LSAMP: variants seen among roughly 807,000 people sequenced by gnomAD.
The protein encoded by LSAMP is limbic system associated membrane protein, also known as limbic system-associated membrane protein.
In LSAMP, 7 loss-of-function variants were observed where a neutral mutation model predicts 38.6. The ratio of observed to expected loss-of-function variants is 0.18; its 90% confidence interval spans 0.10 to 0.34. The LOEUF is 0.34. Ranked by LOEUF, LSAMP falls within the 10% of genes least tolerant of loss-of-function variation. LSAMP has a pLI of 1.00. For missense variants in LSAMP, 313 were observed against 420.0 expected (o/e 0.75, Z 2.23); for synonymous variants, 154 against 166.8 (o/e 0.92, Z 0.59).
At position 116,384,427 on chromosome 3, in the gene LSAMP, A is replaced by G. The variant is rs142770669; in HGVS notation, c.155+60450T>C. Among the ~76,000 whole-genome samples, 460 of 152,242 alleles carry G rather than the reference A, an allele frequency of 3.0e-3. 2 individuals are homozygous for G. Among genetic ancestry groups the G allele is most frequent in the African/African-American group, 0.011 (443 of 41,540 alleles). ...GATGCATGGCCTACATCTCAGCCCAATTGAATCAGAATTTTTGGAAGTGGG... is the reference window on the plus strand; with the variant it reads ...GATGCATGGCCTACATCTCAGCCCAGTTGAATCAGAATTTTTGGAAGTGGG... On this transcript the variant is annotated intron_variant, in intron 1 of 6. Transcript: ENST00000490035.
chr3:116,234,944 G>A (rs2046446948), intron 1 of LSAMP, among the ~76,000 whole-genome samples: 1 of 151,926 alleles, frequency 6.6e-6, no homozygotes, highest in Non-Finnish European at 1.5e-5. Flanking sequence ...GATACTAAAG[G>A]CACTGAGAAG....
chr3:116,363,768 T>A (rs753926558), intron 1 of LSAMP, among the ~76,000 whole-genome samples: 92 of 149,680 alleles, frequency 6.1e-4, no homozygotes, highest in South Asian at 3.6e-3. Context: ...AACCACATGA[T>A]TATCTCAATA....
At chr3:116,148,944 G>C (rs1709549092) in intron 1 of LSAMP, among the ~76,000 whole-genome samples, 1 of 152,026 alleles carries the variant, frequency 6.6e-6, no homozygotes, top group Non-Finnish European at 1.5e-5. Context: ...GCTATGAAAA[G>C]ACTAGTTATA....
intron 1 of LSAMP, among the ~76,000 whole-genome samples, chr3:116,236,006 C>A (rs145617772): frequency 1.6e-3 from 237 of 152,086 alleles, no homozygotes; most frequent in African/African-American, 5.6e-3. Context: ...TTATTTGGTG[C>A]CTTTTATTAT....
intron 3 of LSAMP, among the ~76,000 whole-genome samples, chr3:116,016,322 G>A (rs1176466755): frequency 6.6e-6 from 1 of 152,190 alleles, no homozygotes; most frequent in Non-Finnish European, 1.5e-5. Flanking sequence ...AGAAATGAAA[G>A]AGGAGGCATG....
At chr3:116,066,560 G>A (rs894785732) in intron 2 of LSAMP, among the ~76,000 whole-genome samples, 2 of 152,064 alleles carry the variant, frequency 1.3e-5, no homozygotes, top group Non-Finnish European at 2.9e-5. Flanking sequence ...TTCTAACCTG[G>A]TTACCTTTTT....
chr3:116,134,134 T>C (rs949181359), intron 1 of LSAMP, among the ~76,000 whole-genome samples: 29 of 152,152 alleles, frequency 1.9e-4, no homozygotes, highest in Admixed American at 1.4e-3. Context: ...GGAGTTATTA[T>C]TGGTTTAAAA....
intron 2 of LSAMP, among the ~76,000 whole-genome samples, chr3:116,064,732 C>G (rs551628665): frequency 6.6e-6 from 1 of 152,246 alleles, no homozygotes; most frequent in Admixed American, 6.5e-5. Context: ...CATACACACA[C>G]AGAGACATAC....
chr3:116,321,776 AACTC>A (rs1284675320), intron 1 of LSAMP, among the ~76,000 whole-genome samples: 2 of 152,186 alleles, frequency 1.3e-5, no homozygotes, highest in Non-Finnish European at 2.9e-5. Flanking sequence ...TTCTCCTTCA[AACTC>A]AATCAATTTA....
At chr3:116,385,700 G>A (rs1403043144) in intron 1 of LSAMP, among the ~76,000 whole-genome samples, 1 of 152,044 alleles carries the variant, frequency 6.6e-6, no homozygotes. Context: ...TCCTTAATAG[G>A]TCTGCTTATT....
intron 1 of LSAMP, among the ~76,000 whole-genome samples, chr3:116,273,738 A>ATATG (rs1160555301): frequency 1.3e-4 from 18 of 138,158 alleles, no homozygotes; most frequent in African/African-American, 5.3e-4. Context: ...ATATGTATAC[A>ATATG]TATGTATATA....
chr3:115,954,071 T>A (rs1418217495), intron 3 of LSAMP, among the ~76,000 whole-genome samples: 2 of 152,248 alleles, frequency 1.3e-5, no homozygotes, highest in Admixed American at 6.5e-5. Flanking sequence ...TCTTGTTTAT[T>A]TGTTTTTTAA....
intron 1 of LSAMP, among the ~76,000 whole-genome samples, chr3:116,319,396 A>G (rs1394051893): frequency 3.9e-5 from 6 of 152,228 alleles, no homozygotes; most frequent in Non-Finnish European, 8.8e-5. Context: ...TAGTTACATG[A>G]TTTCTCTTTC....
At chr3:116,186,990 A>G (rs1035278814) in intron 1 of LSAMP, among the ~76,000 whole-genome samples, 6 of 152,098 alleles carry the variant, frequency 3.9e-5, no homozygotes, top group Non-Finnish European at 8.8e-5. Context: ...GGTGATGTGT[A>G]TGTAGTAATG....
chr3:116,155,020 T>A (rs1709711010), intron 1 of LSAMP, among the ~76,000 whole-genome samples: 1 of 151,740 alleles, frequency 6.6e-6, no homozygotes, highest in South Asian at 2.1e-4. Flanking sequence ...ATGTTTTGGT[T>A]TTTTTTGTTT....
intron 1 of LSAMP, among the ~76,000 whole-genome samples, chr3:116,400,343 T>C (rs1486304820): frequency 6.6e-6 from 1 of 151,982 alleles, no homozygotes; most frequent in Non-Finnish European, 1.5e-5. Flanking sequence ...CCAAGTTTGA[T>C]CTTTCTTTCC....
At chr3:116,151,645 C>G (rs937956822) in intron 1 of LSAMP, among the ~76,000 whole-genome samples, 9 of 151,986 alleles carry the variant, frequency 5.9e-5, no homozygotes, top group African/African-American at 2.2e-4. Flanking sequence ...GGAAATCTGA[C>G]ATTGCTATTG....
intron 4 of LSAMP, among the ~76,000 whole-genome samples, chr3:115,848,425 AAAAC>A (rs942044806): frequency 3.3e-5 from 5 of 152,238 alleles, no homozygotes; most frequent in African/African-American, 9.6e-5. Flanking sequence ...CCCTGTCTCA[AAAAC>A]AAACAAACAA....
At chr3:115,997,399 G>A (rs1195527149) in intron 3 of LSAMP, among the ~76,000 whole-genome samples, 2 of 151,920 alleles carry the variant, frequency 1.3e-5, no homozygotes, top group South Asian at 2.1e-4. Context: ...AATAGTGACA[G>A]TGCTACAAGG....
Sources: gnomAD v4.1 joint callset for allele counts (sites outside exome capture counted in the v4.1 genomes callset) on GRCh38, gnomAD v4.1.1 for gene constraint, MANE v1.5 for transcripts, NCBI Gene and HGNC (gene_info 2026-07-23, HGNC 2026-07-21) for gene names.